The following ASXL3 variants were observed in gnomAD, a reference collection of about 807,000 sequenced individuals.
ASXL3 encodes putative Polycomb group protein ASXL3.
In ASXL3, 34 loss-of-function variants were observed where a neutral mutation model predicts 170.6. That is an observed-to-expected ratio of 0.20 (90% CI 0.15 to 0.27). The LOEUF is 0.27. Among genes scored for constraint, ASXL3 ranks in the 10% least tolerant of loss-of-function variants. The pLI is 1.00. For synonymous variants in ASXL3, 1,002 were observed against 989.1 expected (o/e 1.01, Z -0.24); for missense variants, 2,592 against 2,695.3 (o/e 0.96, Z 0.85).
At chr18:33,642,361 G>C (rs1277179581) in intron 2 of ASXL3, among the ~76,000 whole-genome samples, 3 of 151,712 alleles carry the variant, frequency 2.0e-5, no homozygotes, top group African/African-American at 7.3e-5. Flanking sequence ...TAAGCATTTA[G>C]CTCATTTGAT....
chr18:33,621,541 T>C (rs17665756), intron 2 of ASXL3, among the ~76,000 whole-genome samples: 8,333 of 152,178 alleles, frequency 0.055, 249 homozygotes, highest in South Asian at 0.068. Context: ...GTACTTCAAA[T>C]AGTGATCTAA....
intron 2 of ASXL3, among the ~76,000 whole-genome samples, chr18:33,617,990 G>A (rs1199835450): frequency 2.0e-5 from 3 of 151,912 alleles, no homozygotes; most frequent in East Asian, 1.9e-4. Context: ...ATTGCCACAC[G>A]CCTGAATGAT....
In ASXL3 at chr18:33,725,643, C is replaced by A. The variant is rs150485141; in HGVS notation, c.880-6325C>A. Reference sequence around the variant, plus strand: ...TTACCATTGAGCATCTTGCCCTATTCTCAGTTACTGACTAGACATCTTTAT... The same window carrying A: ...TTACCATTGAGCATCTTGCCCTATTATCAGTTACTGACTAGACATCTTTAT... On this transcript the variant is annotated intron_variant, in intron 8 of 11. Transcript: ENST00000269197. Among the ~76,000 whole-genome samples, 581 of 152,274 alleles carry A rather than the reference C, an allele frequency of 3.8e-3. 1 individual carries two copies. The highest frequency in any genetic ancestry group is 5.4e-3 in the South Asian group (26 of 4,828).
rs764687129 is a variant in ASXL3 at position 33,739,095 on chromosome 18, C to A, written c.1691C>A (p.Ala564Glu). ...ACAGAACATAAGGAGTCAGAAACTG[C>A]AGTAGAGACCAGTACCCCCAAAATA... is the stretch of plus-strand genomic sequence containing the variant. ...SDTEHKESET[A>E]VETSTPKIKT... The change falls in exon 11 of 12, where the codon GCA becomes GAA. Residue 564 changes from alanine (A) to glutamate (E), a missense_variant. Physicochemically the swap from Ala to Glu is moderately radical, Grantham distance 107. Around this residue, in one of 4 missense-constraint regions of ASXL3, gnomAD observed 2,246 missense variants for 2,219.6 expected, o/e 1.01. Coordinates refer to ENST00000269197, the MANE Select transcript of ASXL3 (RefSeq NM_030632.3). 4.2e-5 allele frequency: 68 copies of A among 1,613,222 alleles called. No homozygotes were observed. The highest frequency in any genetic ancestry group is 5.7e-5 in the Non-Finnish European group (67 of 1,179,548).
At chr18:33,608,188 A>G (rs1055896868) in intron 2 of ASXL3, among the ~76,000 whole-genome samples, 2 of 151,918 alleles carry the variant, frequency 1.3e-5, no homozygotes, top group Non-Finnish European at 2.9e-5. Context: ...GGGTTATGTT[A>G]TATTCACAAA....
intron 1 of ASXL3, among the ~76,000 whole-genome samples, chr18:33,602,739 A>T (rs989643645): frequency 6.6e-6 from 1 of 150,980 alleles, no homozygotes; most frequent in African/African-American, 2.4e-5. Flanking sequence ...GAGCCAATTC[A>T]GCTTTGTACA....
intron 1 of ASXL3, among the ~76,000 whole-genome samples, chr18:33,603,924 G>A (rs140709704): frequency 1.3e-5 from 2 of 152,178 alleles, no homozygotes; most frequent in African/African-American, 4.8e-5. Flanking sequence ...ACAGTGATAT[G>A]TGGCCAGTGG....
intron 4 of ASXL3, among the ~76,000 whole-genome samples, chr18:33,646,916 A>G (rs964281009): frequency 2.1e-5 from 3 of 140,368 alleles, no homozygotes; most frequent in Non-Finnish European, 4.5e-5. Flanking sequence ...TGAATTTTAT[A>G]TGTGAACTTA....
Position 33,743,029 on chromosome 18 carries a change from G to T in ASXL3, c.3181G>T (p.Ala1061Ser). The change falls in exon 12 of 12, where the codon GCC (alanine) becomes TCC (serine). Residue 1061 changes from alanine (A) to serine (S), a missense_variant. This residue lies in a region of ASXL3 where 2,246 missense variants were observed against 2,219.6 expected (regional missense o/e 1.01). Transcript: ENST00000269197. ...GACCCTCGCAGATATCAAGGCCCGGGCCCAACAAGCTCGGGCCCAGCGAGA... is the reference window on the plus strand; with the variant it reads ...GACCCTCGCAGATATCAAGGCCCGGTCCCAACAAGCTCGGGCCCAGCGAGA... The part of the protein sequence containing the change: ...ARTLADIKAR[A>S]QQARAQREAA... The T allele has an allele frequency of 6.2e-7, 1 of 1,613,872 alleles. No homozygotes were observed. Among genetic ancestry groups the T allele is most frequent in the Non-Finnish European group, 8.5e-7 (1 of 1,179,836 alleles).
intron 1 of ASXL3, among the ~76,000 whole-genome samples, chr18:33,600,728 T>C (rs1002153399): frequency 1.1e-4 from 16 of 152,266 alleles, no homozygotes; most frequent in African/African-American, 3.8e-4. Context: ...CTCAATTGCA[T>C]AGAATTTCAT....
At chr18:33,694,605 C>CTT in intron 8 of ASXL3, among the ~76,000 whole-genome samples, 1 of 147,000 alleles carries the variant, frequency 6.8e-6, no homozygotes, top group African/African-American at 2.5e-5. Flanking sequence ...GTTGTGCCTG[C>CTT]TTTTTTTTTT....
chr18:33,651,691 C>T (rs1163150527), intron 4 of ASXL3, among the ~76,000 whole-genome samples: 1 of 152,028 alleles, frequency 6.6e-6, no homozygotes, highest in South Asian at 2.1e-4. Context: ...AGGGGATAAG[C>T]AGAGAAGTAT....
chr18:33,682,642 G>A (rs187282741), intron 7 of ASXL3, among the ~76,000 whole-genome samples: 8 of 152,172 alleles, frequency 5.3e-5, no homozygotes, highest in African/African-American at 1.9e-4. Flanking sequence ...TACCTCCCGC[G>A]CTTAAGTGAT....
At chr18:33,685,478 T>C (rs1261952598) in intron 8 of ASXL3, among the ~76,000 whole-genome samples, 1 of 152,246 alleles carries the variant, frequency 6.6e-6, no homozygotes, top group Non-Finnish European at 1.5e-5. Flanking sequence ...TATTAGCTTA[T>C]ACAACAATTT....
intron 4 of ASXL3, among the ~76,000 whole-genome samples, chr18:33,646,649 C>T (rs1343853692): frequency 1.3e-5 from 2 of 151,804 alleles, no homozygotes; most frequent in African/African-American, 4.8e-5. Flanking sequence ...CTGGGGGCAT[C>T]TAGTGGTTTC....
chr18:33,745,668 C>T lies in ASXL3; in HGVS notation c.5820C>T (p.Gly1940=), dbSNP rs757786584. Reference sequence around the variant, plus strand: ...ACCAAATGCCTGTGGCTGCCAGGGGCCCCATTCCTACTGCAGCTCTGTTAC... The same window carrying T: ...ACCAAATGCCTGTGGCTGCCAGGGGTCCCATTCCTACTGCAGCTCTGTTAC... ...QFYQMPVAAR[G]PIPTAALLQA... is the part of the protein sequence containing the mutation. Residue 1940 remains glycine, a synonymous_variant, in exon 12 of 12, where the codon GGC becomes GGT. Coordinates refer to ENST00000269197, the MANE Select transcript of ASXL3 (RefSeq NM_030632.3). 9.9e-6 allele frequency: 16 copies of T among 1,613,832 alleles called. No homozygotes were observed. The Middle Eastern group carries it at 4.9e-4, about 50-fold the overall frequency.
intron 2 of ASXL3, among the ~76,000 whole-genome samples, chr18:33,620,103 T>C (rs1303791625): frequency 2.0e-5 from 3 of 152,148 alleles, no homozygotes; most frequent in Non-Finnish European, 4.4e-5. Context: ...CACTGGGAAG[T>C]ATGAAAACCT....
rs562810665 is a variant in ASXL3 at position 33,612,602 on chromosome 18, A to G, written c.137+4926A>G. On this transcript the variant is annotated intron_variant, in intron 2 of 11. Coordinates refer to ENST00000269197, the MANE Select transcript of ASXL3 (RefSeq NM_030632.3). ...TTGCGGTCTCTGTTATGATATGCTG[A>G]AATTAGAATCTCCACTTTGTACTGT... Among the ~76,000 whole-genome samples, 29 of 152,162 alleles carry G rather than the reference A, an allele frequency of 1.9e-4. No individual in the cohort carries two copies. In the South Asian group the frequency reaches 6.0e-3, roughly 32 times the overall value.
chr18:33,694,053 ATCT>A (rs1431944386), intron 8 of ASXL3, among the ~76,000 whole-genome samples: 4 of 152,200 alleles, frequency 2.6e-5, no homozygotes, highest in Non-Finnish European at 5.9e-5. Context: ...GGTCAAAGTC[ATCT>A]TCTTGACCAC....
Sources: allele counts gnomAD v4.1 joint callset (sites outside exome capture counted in the v4.1 genomes callset), GRCh38; gene constraint gnomAD v4.1.1; regional missense constraint gnomAD v4.1.1; transcripts MANE v1.5; gene names NCBI Gene and HGNC (gene_info 2026-07-23, HGNC 2026-07-21).